PLEKHG1: variants seen among roughly 807,000 people sequenced by gnomAD.
PLEKHG1 encodes pleckstrin homology and RhoGEF domain containing G1, also known as pleckstrin homology domain-containing family G member 1.
A neutral mutation model predicts 100.8 loss-of-function variants in PLEKHG1; 44 were observed. The observed-to-expected ratio is 0.44, with a 90% CI of 0.34 to 0.56. The LOEUF (loss-of-function observed/expected upper bound fraction) is 0.56, where lower values mean the gene tolerates loss of function less well. Among genes scored for constraint, PLEKHG1 ranks in the 20% least tolerant of loss-of-function variants. The probability of loss-of-function intolerance (pLI) is 0.01; values close to 1 mark genes in which losing one functional copy is unlikely to be tolerated. For synonymous variants in PLEKHG1, 640 were observed against 662.5 expected (o/e 0.97, Z 0.52); for missense variants, 1,545 against 1,720.9 (o/e 0.90, Z 1.81).
At chr6:150,633,968 G>C (rs921933500) in intron 1 of PLEKHG1, among the ~76,000 whole-genome samples, 6 of 152,050 alleles carry the variant, frequency 3.9e-5, no homozygotes, top group African/African-American at 1.2e-4. Flanking sequence ...GAGGCTGGGC[G>C]TGGTGGCTCA....
chr6:150,751,257 CA>C (rs1437094027), intron 2 of PLEKHG1, among the ~76,000 whole-genome samples: 1 of 135,634 alleles, frequency 7.4e-6, no homozygotes, highest in African/African-American at 2.8e-5. Context: ...TAGAGGGCTG[CA>C]ATGGTGGAAT....
rs61745401 is a variant in PLEKHG1, at chr6:150,786,441, A to G, written c.564A>G (p.Ala188=). Residue 188 remains alanine (A), a synonymous_variant, in exon 4 of 16, where the codon GCA becomes GCG. Transcript: ENST00000358517. ...GTGAAAATGATCCTGTGGCCATAGC[A>G]GAGTGTTTTGTGTCCAAGGTAAGCA... 1.8e-3 allele frequency: 2,945 copies of G among 1,612,388 alleles called. 40 individuals are homozygous for G. The African/African-American group carries it at 0.035, about 19-fold the overall frequency.
chr6:150,818,322 T>C, intron 11 of PLEKHG1, 106 bp downstream of exon 12: 1 of 867,320 alleles, frequency 1.2e-6, no homozygotes. Flanking sequence ...GAAAATAGTA[T>C]CTCTCTATTC....
intron 3 of PLEKHG1, among the ~76,000 whole-genome samples, chr6:150,676,498 C>T (rs1344629901): frequency 6.6e-6 from 1 of 152,122 alleles, no homozygotes; most frequent in East Asian, 1.9e-4. Context: ...TTGGAGAAAA[C>T]CTGACAGTAT....
chr6:150,827,705 C>T (rs17348429), intron 14 of PLEKHG1: 263,202 of 1,151,220 alleles, frequency 0.23, 31,731 homozygotes, highest in Admixed American at 0.26. Flanking sequence ...TGACATCTTA[C>T]GCAAAAAGGG....
chr6:150,805,159 T>C (rs1786989354), intron 7 of PLEKHG1, among the ~76,000 whole-genome samples: 1 of 152,086 alleles, frequency 6.6e-6, no homozygotes, highest in Non-Finnish European at 1.5e-5. Flanking sequence ...GGTCTCGAAC[T>C]CCCGACCTCA....
chr6:150,740,091 G>A (rs964487587), intron 2 of PLEKHG1, among the ~76,000 whole-genome samples: 1 of 152,234 alleles, frequency 6.6e-6, no homozygotes, highest in African/African-American at 2.4e-5. Context: ...TTCAGGCCCA[G>A]AGAGCTTGTG....
chr6:150,806,662 C>CAA lies in PLEKHG1; in HGVS notation c.912+1936_912+1937dup, dbSNP rs4036093. Among the ~76,000 whole-genome samples, 839 of 132,668 alleles carry CAA rather than the reference C, an allele frequency of 6.3e-3. 11 individuals carry two copies. Among genetic ancestry groups the CAA allele is most frequent in the African/African-American group, 0.022 (794 of 36,228 alleles). 87.0% of individuals were successfully genotyped at this position (132,668 alleles called of 152,430 possible). ...CCTGGGTGACAGAGCGAGACTGTCT[C>CAA]AAAAAAAAAAAAAAAATTAGCCGGG... On this transcript the variant is annotated intron_variant, in intron 7 of 15. Coordinates refer to ENST00000358517, the Ensembl canonical transcript of PLEKHG1.
intron 7 of PLEKHG1, among the ~76,000 whole-genome samples, chr6:150,805,621 G>A (rs912345177): frequency 2.6e-5 from 4 of 151,938 alleles, no homozygotes; most frequent in African/African-American, 7.3e-5. Flanking sequence ...TTCGGCTCCC[G>A]GGTTCAAGCG....
intron 1 of PLEKHG1, among the ~76,000 whole-genome samples, chr6:150,724,853 G>A (rs969275385): frequency 4.6e-5 from 7 of 152,240 alleles, no homozygotes; most frequent in East Asian, 1.9e-4. Flanking sequence ...GGGCCACCGC[G>A]CCTGGCCTAG....
chr6:150,611,190 A>G (rs1776812633), intron 1 of PLEKHG1, among the ~76,000 whole-genome samples: 1 of 152,212 alleles, frequency 6.6e-6, no homozygotes, highest in Admixed American at 6.5e-5. Context: ...TGTATAGTGG[A>G]ATTTGCAGAT....
chr6:150,763,748 A>G (rs2128636409), intron 2 of PLEKHG1, among the ~76,000 whole-genome samples: 1 of 152,344 alleles, frequency 6.6e-6, no homozygotes, highest in South Asian at 2.1e-4. Context: ...TCCATGCTAC[A>G]GCCAAAAGGA....
intron 15 of PLEKHG1, among the ~76,000 whole-genome samples, chr6:150,837,293 TC>T (rs759458258): frequency 1.3e-5 from 2 of 152,206 alleles, no homozygotes; most frequent in Non-Finnish European, 2.9e-5. Flanking sequence ...ATGTAAGACT[TC>T]AGAGAAGAGA....
intron 2 of PLEKHG1, among the ~76,000 whole-genome samples, chr6:150,750,772 C>T (rs1452101109): frequency 4.0e-5 from 4 of 99,076 alleles, no homozygotes; most frequent in Non-Finnish European, 7.1e-5. Flanking sequence ...CAGAGCGAGA[C>T]TCCATCTCAA....
intron 10 of PLEKHG1, among the ~76,000 whole-genome samples, chr6:150,813,532 G>A (rs1390823337): frequency 6.6e-6 from 1 of 151,986 alleles, no homozygotes; most frequent in Non-Finnish European, 1.5e-5. Flanking sequence ...GCGGGGGTGG[G>A]GAGGGTGCCA....
At chr6:150,825,711 A>C (rs1776559958) in intron 14 of PLEKHG1, among the ~76,000 whole-genome samples, 2 of 152,214 alleles carry the variant, frequency 1.3e-5, no homozygotes, top group Non-Finnish European at 2.9e-5. Flanking sequence ...GGATTAAGAC[A>C]TGGATTCAAA....
At chr6:150,725,936 A>G (rs916276594) in intron 1 of PLEKHG1, among the ~76,000 whole-genome samples, 1 of 152,180 alleles carries the variant, frequency 6.6e-6, no homozygotes, top group Non-Finnish European at 1.5e-5. Flanking sequence ...GTGACCATAA[A>G]AAAAAGAAGG....
intron 2 of PLEKHG1, among the ~76,000 whole-genome samples, chr6:150,751,589 G>T (rs1333209679): frequency 6.6e-6 from 1 of 152,222 alleles, no homozygotes; most frequent in Non-Finnish European, 1.5e-5. Context: ...TCCCCAGGGA[G>T]AGGCCCCGAG....
chr6:150,840,711 A>G, exon 16 of PLEKHG1: 1 of 1,614,236 alleles, frequency 6.2e-7, no homozygotes. Flanking sequence ...GCATTCTTTG[A>G]ATAGTCCGCG....
Sources: allele counts gnomAD v4.1 joint callset (sites outside exome capture counted in the v4.1 genomes callset), GRCh38; gene constraint gnomAD v4.1.1; transcripts MANE v1.5; gene names NCBI Gene and HGNC (gene_info 2026-07-23, HGNC 2026-07-21).